TNKS2: variants seen among roughly 807,000 people sequenced by gnomAD.
The protein encoded by TNKS2 is poly [ADP-ribose] polymerase tankyrase-2.
In TNKS2, 72 loss-of-function variants were observed where a neutral mutation model predicts 137.6. The observed-to-expected ratio is 0.52, with a 90% CI of 0.43 to 0.64. The LOEUF (loss-of-function observed/expected upper bound fraction) is 0.64. TNKS2 is among the 30% of genes least tolerant of loss of function. The probability of loss-of-function intolerance (pLI) is 0.00; values close to 1 mark genes in which losing one functional copy is unlikely to be tolerated. For synonymous variants in TNKS2, 516 were observed against 512.1 expected, an observed-to-expected ratio of 1.01 and a Z score of -0.10; for missense variants, 1,049 against 1,410.2, an observed-to-expected ratio of 0.74 and a Z score of 4.10.
intron 2 of TNKS2, among the ~76,000 whole-genome samples, chr10:91,815,072 A>T (rs1415189534): frequency 8.2e-6 from 1 of 122,030 alleles, no homozygotes; most frequent in Non-Finnish European, 1.6e-5. Context: ...AATTTGTATT[A>T]ACCTGGTATT....
intron 26 of TNKS2, among the ~76,000 whole-genome samples, chr10:91,862,608 G>T (rs1564633200): frequency 6.6e-6 from 1 of 152,094 alleles, no homozygotes; most frequent in African/African-American, 2.4e-5. Context: ...GTATATAACT[G>T]TGTTTTGCTC....
chr10:91,839,073 G>A (rs1441879971), intron 13 of TNKS2, among the ~76,000 whole-genome samples: 1 of 152,112 alleles, frequency 6.6e-6, no homozygotes, highest in Non-Finnish European at 1.5e-5. Context: ...CACCATGTTG[G>A]CCAGGCTGGT....
chr10:91,837,361 A>G (rs1371683401), intron 13 of TNKS2, among the ~76,000 whole-genome samples: 5 of 152,218 alleles, frequency 3.3e-5, no homozygotes, highest in South Asian at 2.1e-4. Flanking sequence ...AAAACAGTGT[A>G]TCACTTCTGT....
chr10:91,836,673 A>G, intron 12 of TNKS2: 1 of 985,396 alleles, frequency 1.0e-6, no homozygotes, highest in Non-Finnish European at 1.2e-6. Flanking sequence ...TATATTGCTT[A>G]CATCACATTT....
At chr10:91,840,490 A>G in intron 13 of TNKS2, 71 bp from the exon 14 acceptor site, 1 of 1,380,802 alleles carries the variant, frequency 7.2e-7, no homozygotes, top group South Asian at 1.4e-5. Context: ...GAAAATTCCT[A>G]CTAAATGACT....
chr10:91,831,405 T>A (rs2133635155), intron 11 of TNKS2, among the ~76,000 whole-genome samples: 1 of 152,326 alleles, frequency 6.6e-6, no homozygotes, highest in Admixed American at 6.5e-5. Flanking sequence ...TCCTCCCTCC[T>A]CCATTCCTTT....
chr10:91,855,273 G>GTTA, intron 22 of TNKS2, 147 bp downstream of exon 22: 1 of 633,354 alleles, frequency 1.6e-6, no homozygotes, highest in Non-Finnish European at 2.8e-6. Flanking sequence ...TATTACTAGA[G>GTTA]TAATATTACT....
rs1842662935 is a variant in TNKS2, at chr10:91,855,054, C to G, written c.2841C>G (p.Asn947Lys). The G allele has an allele frequency of 4.3e-6, 7 of 1,609,396 alleles. No homozygotes were observed. Among genetic ancestry groups the G allele is most frequent in the Non-Finnish European group, 8.5e-7 (1 of 1,176,590 alleles). ...GTCTTAACCCATATTTAACTTTGAA[C>G]ACCTCTGGTAGTGGAACAATTCTTA... Reference protein sequence around the residue: ...QQGLNPYLTLNTSGSGTILID... With the variant: ...QQGLNPYLTLKTSGSGTILID... The change falls in exon 22 of 27, where the codon AAC becomes AAG. Residue 947 changes from asparagine (N) to lysine (K), a missense_variant. By Grantham distance (94) the Asn-to-Lys change is moderately conservative. Coordinates refer to ENST00000371627, the MANE Select transcript of TNKS2 (RefSeq NM_025235.4).
At chr10:91,855,275 A>C in intron 22 of TNKS2, 149 bp downstream of exon 22, 1 of 634,412 alleles carries the variant, frequency 1.6e-6, no homozygotes, top group South Asian at 1.8e-5. Flanking sequence ...TTACTAGAGT[A>C]ATATTACTCT....
chr10:91,817,123 C>T lies in TNKS2; in HGVS notation c.425-11C>T. ...ACCATTGAACTTCAAAATAGTGTTGCTATTTTGCAGTGCTGTTACAGCATG... is the reference window on the plus strand; with the variant it reads ...ACCATTGAACTTCAAAATAGTGTTGTTATTTTGCAGTGCTGTTACAGCATG... On this transcript the variant is annotated splice_polypyrimidine_tract_variant and intron_variant, in intron 2 of 26. Transcript: ENST00000371627. The T allele has an allele frequency of 6.3e-7, 1 of 1,591,508 alleles. No homozygotes were observed. Among genetic ancestry groups the T allele is most frequent in the South Asian group, 1.1e-5 (1 of 89,490 alleles).
intron 24 of TNKS2, among the ~76,000 whole-genome samples, chr10:91,858,323 T>C (rs1229791025): frequency 6.6e-6 from 1 of 152,166 alleles, no homozygotes; most frequent in African/African-American, 2.4e-5. Context: ...CCTAAATAAT[T>C]ATCATGATAA....
intron 21 of TNKS2, 96 bp downstream of exon 21, chr10:91,851,432 T>C (rs1384682310): frequency 4.9e-5 from 62 of 1,272,962 alleles, no homozygotes; most frequent in Non-Finnish European, 6.4e-5. Context: ...TGAGAGAATC[T>C]GTTTAATAGG....
chr10:91,815,488 G>A (rs7073066), intron 2 of TNKS2, among the ~76,000 whole-genome samples: 2 of 88,318 alleles, frequency 2.3e-5, no homozygotes, highest in African/African-American at 5.0e-5. Flanking sequence ...GAGTTTTCCA[G>A]TTATAATCTG....
chr10:91,806,229 G>C (rs1844323324), intron 1 of TNKS2, among the ~76,000 whole-genome samples: 1 of 151,964 alleles, frequency 6.6e-6, no homozygotes, highest in African/African-American at 2.4e-5. Flanking sequence ...ATTACATTTA[G>C]GTGGTGAAAT....
At chr10:91,859,411 TTATTCTAAGA>T in intron 24 of TNKS2, 41 bp from the exon 25 acceptor site, 1 of 1,372,396 alleles carries the variant, frequency 7.3e-7, no homozygotes, top group Non-Finnish European at 9.6e-7. Flanking sequence ...TTTTTACTTT[TTATTCTAAGA>T]TAAATTTTAA....
rs1373688511 is a variant in TNKS2 at position 91,834,065 on chromosome 10, C to G, written c.1447+41C>G. 2.7e-6 allele frequency: 4 copies of G among 1,462,792 alleles called. No homozygotes were observed. In the East Asian group the frequency reaches 9.5e-5, roughly 35 times the overall value. The allele number at this position is 1,462,792 out of a possible 1,614,324, so 90.6% of individuals were successfully genotyped here. The stretch of plus-strand genomic sequence containing the variant: ...ATGAAATTGATTTTTTTAAATTAAC[C>G]TTTAAAAATTTTTCACATATCAGGT... On this transcript the variant is annotated intron_variant, in intron 12 of 26. Coordinates refer to ENST00000371627, the MANE Select transcript of TNKS2 (RefSeq NM_025235.4).
intron 9 of TNKS2, among the ~76,000 whole-genome samples, chr10:91,829,871 A>G (rs1439201528): frequency 1.3e-5 from 2 of 152,214 alleles, no homozygotes; most frequent in Non-Finnish European, 2.9e-5. Flanking sequence ...CAGAACTTTT[A>G]TTCTATAGGT....
At chr10:91,829,654 A>G (rs1845177353) in intron 9 of TNKS2, among the ~76,000 whole-genome samples, 1 of 152,206 alleles carries the variant, frequency 6.6e-6, no homozygotes, top group African/African-American at 2.4e-5. Flanking sequence ...TTAACCTACC[A>G]AAGGAACTAT....
At chr10:91,819,394 AAAG>A in intron 4 of TNKS2, 85 bp from the exon 5 acceptor site, 2 of 1,436,226 alleles carry the variant, frequency 1.4e-6, no homozygotes, top group Non-Finnish European at 1.9e-6. Flanking sequence ...CAAACTTTAA[AAAG>A]AATTTTTTTT....
Sources: allele counts gnomAD v4.1 joint callset (sites outside exome capture counted in the v4.1 genomes callset), GRCh38; gene constraint gnomAD v4.1.1; transcripts MANE v1.5; gene names NCBI Gene and HGNC (gene_info 2026-07-23, HGNC 2026-07-21).